The following CATSPERD variants were observed in gnomAD, a reference collection of about 807,000 sequenced individuals.
The protein encoded by CATSPERD is catsper channel auxiliary subunit delta.
Under a neutral mutation model 98.1 loss-of-function variants are expected in CATSPERD, and 86 were observed. The observed-to-expected ratio is 0.88, with a 90% CI of 0.74 to 1.05. The LOEUF (loss-of-function observed/expected upper bound fraction) is 1.05, where lower values mean the gene tolerates loss of function less well. Ranked by LOEUF, CATSPERD falls within the 50% of genes least tolerant of loss-of-function variation. CATSPERD has a pLI of 0.00. For synonymous variants in CATSPERD, 394 were observed against 390.2 expected (o/e 1.01, Z -0.12); for missense variants, 995 against 1,005.7 (o/e 0.99, Z 0.14).
chr19:5,729,368 G>A (rs895645298), intron 3 of CATSPERD, among the ~76,000 whole-genome samples: 22 of 152,088 alleles, frequency 1.4e-4, no homozygotes, highest in African/African-American at 4.1e-4. Flanking sequence ...CAAAGTGCTG[G>A]GATTACAGGC....
chr19:5,776,038 G>C lies in CATSPERD; in HGVS notation c.1942-123G>C, dbSNP rs527575170. 203 of 1,037,820 alleles carry C rather than the reference G, an allele frequency of 2.0e-4. 1 individual carries two copies. In the East Asian group the frequency reaches 2.6e-3, roughly 13 times the overall value. The allele number at this position is 1,037,820 out of a possible 1,614,324, so 64.3% of individuals were successfully genotyped here. A position where few individuals can be genotyped will look rare whatever the true frequency, so the allele number is the denominator to read the frequency against. On this transcript the variant is annotated intron_variant, in intron 20 of 21. Coordinates refer to ENST00000381624, the MANE Select transcript of CATSPERD (RefSeq NM_152784.4). ...CCCACACCATGGGCACTTGGCCCCAGAGTCCCACCCATGCGTGCCTAATGA... is the reference window on the plus strand; with the variant it reads ...CCCACACCATGGGCACTTGGCCCCACAGTCCCACCCATGCGTGCCTAATGA...
intron 18 of CATSPERD, among the ~76,000 whole-genome samples, chr19:5,769,111 G>T (rs1469154012): frequency 2.0e-5 from 3 of 151,296 alleles, no homozygotes; most frequent in Non-Finnish European, 4.4e-5. Flanking sequence ...CCAAGATTGA[G>T]CCACTGCACT....
chr19:5,754,375 T>A, intron 13 of CATSPERD, 130 bp downstream of exon 13: 1 of 498,478 alleles, frequency 2.0e-6, no homozygotes, highest in Non-Finnish European at 3.7e-6. Flanking sequence ...CAATTCTGCA[T>A]AGAAATTGTC....
intron 1 of CATSPERD, among the ~76,000 whole-genome samples, chr19:5,722,178 A>G (rs770825685): frequency 4.6e-5 from 7 of 150,610 alleles, no homozygotes; most frequent in Non-Finnish European, 1.0e-4. Context: ...CTGGAGTACA[A>G]TGTCACGGTC....
chr19:5,738,608 C>T (rs1303373057), intron 6 of CATSPERD, among the ~76,000 whole-genome samples: 1 of 152,124 alleles, frequency 6.6e-6, no homozygotes, highest in African/African-American at 2.4e-5. Context: ...ATAACATAAA[C>T]AGTCTATGAC....
intron 7 of CATSPERD, among the ~76,000 whole-genome samples, chr19:5,740,659 G>A (rs796343288): frequency 2.0e-5 from 3 of 151,578 alleles, no homozygotes; most frequent in South Asian, 4.2e-4. Context: ...CCCAGCTATC[G>A]GGAGGCTGAG....
At chr19:5,769,437 T>C (rs2056605969) in intron 18 of CATSPERD, among the ~76,000 whole-genome samples, 1 of 152,066 alleles carries the variant, frequency 6.6e-6, no homozygotes, top group Non-Finnish European at 1.5e-5. Context: ...GCTCTGCCGT[T>C]GTGGCCTAAA....
intron 19 of CATSPERD, 56 bp from the exon 20 acceptor site, chr19:5,772,732 G>A: frequency 6.4e-7 from 1 of 1,552,002 alleles, no homozygotes; most frequent in Non-Finnish European, 8.7e-7. Flanking sequence ...TGTGGCCCGG[G>A]TCTTCCTGGG....
At chr19:5,758,981 T>A in intron 14 of CATSPERD, 105 bp from the exon 15 acceptor site, 5 of 852,500 alleles carry the variant, frequency 5.9e-6, no homozygotes, top group Non-Finnish European at 9.7e-6. Context: ...TCCAGGTTCG[T>A]CCCCCCATGT....
chr19:5,767,110 G>T (rs2056552686), intron 17 of CATSPERD, among the ~76,000 whole-genome samples: 1 of 151,174 alleles, frequency 6.6e-6, no homozygotes, highest in Admixed American at 6.6e-5. Context: ...GAGGTCAGGA[G>T]ATTGAGACCA....
In CATSPERD at chr19:5,751,748, T is replaced by C; in HGVS notation, c.1089T>C (p.Ala363=). 1 of 1,613,842 alleles carries C rather than the reference T, an allele frequency of 6.2e-7. No homozygotes were observed. Among genetic ancestry groups the C allele is most frequent in the Non-Finnish European group, 8.5e-7 (1 of 1,179,954 alleles). The change falls in exon 12 of 22, where the codon GCT becomes GCC. Residue 363 remains alanine (A), a synonymous_variant. Transcript: ENST00000381624. ...LTPLRDTAFP[A]FDFQKCLVNI... is the part of the protein sequence containing the mutation. ...CACTGCGTGACACAGCCTTTCCAGC[T>C]TTTGATTTCCAGAAGTGCCTCGTGA...
At chr19:5,740,976 T>G (rs2055951303) in intron 7 of CATSPERD, among the ~76,000 whole-genome samples, 1 of 143,164 alleles carries the variant, frequency 7.0e-6, no homozygotes, top group Non-Finnish European at 1.5e-5. Context: ...TCTCAGCTAC[T>G]TGGGAGGCTG....
intron 3 of CATSPERD, among the ~76,000 whole-genome samples, chr19:5,729,022 T>C (rs2055664869): frequency 6.7e-6 from 1 of 150,284 alleles, no homozygotes; most frequent in East Asian, 2.0e-4. Flanking sequence ...CTCTCTCTCT[T>C]TTTTAAAGGC....
In CATSPERD at chr19:5,772,819, G is replaced by A. The variant is rs750625210; in HGVS notation, c.1795G>A (p.Asp599Asn). ...AAAAGACAGTTTCCAGGAGGTCATC[G>A]ACGCCGAGTATGTGTTACTGGAGGT... Reference protein sequence around the residue: ...WRKDSFQEVIDAEYVLLEVNG... With the variant: ...WRKDSFQEVINAEYVLLEVNG... The change falls in exon 20 of 22, where the codon GAC (aspartate) becomes AAC (asparagine). Residue 599 changes from aspartate (D) to asparagine (N), a missense_variant. Asp to Asn is a conservative substitution (Grantham distance 23). Around this residue, in one of 3 missense-constraint regions of CATSPERD, gnomAD observed 762 missense variants for 773.7 expected, o/e 0.98. Coordinates refer to ENST00000381624, the MANE Select transcript of CATSPERD (RefSeq NM_152784.4). 29 of 1,613,906 alleles carry A rather than the reference G, an allele frequency of 1.8e-5. No homozygotes were observed. Among genetic ancestry groups the A allele is most frequent in the Admixed American group, 1.5e-4 (9 of 59,982 alleles).
At chr19:5,772,501 A>ACGGGCGTGAGC (rs1223901209) in intron 19 of CATSPERD, 2 of 347,002 alleles carry the variant, frequency 5.8e-6, no homozygotes, top group Non-Finnish European at 1.1e-5. Context: ...TGCTGAGATT[A>ACGGGCGTGAGC]CGGGCGTGAG....
At chr19:5,737,614 G>A (rs916010022) in intron 6 of CATSPERD, among the ~76,000 whole-genome samples, 2 of 150,716 alleles carry the variant, frequency 1.3e-5, no homozygotes, top group African/African-American at 4.9e-5. Context: ...CATTTTGGGA[G>A]GCCGAGGTGG....
intron 9 of CATSPERD, among the ~76,000 whole-genome samples, chr19:5,746,878 C>T (rs2056105349): frequency 1.3e-5 from 2 of 151,664 alleles, no homozygotes. Context: ...GATTGTACTT[C>T]TGCACCCAGG....
intron 13 of CATSPERD, among the ~76,000 whole-genome samples, chr19:5,755,395 A>G (rs999426871): frequency 3.3e-5 from 5 of 152,164 alleles, no homozygotes; most frequent in Non-Finnish European, 5.9e-5. Context: ...TGAGTATACA[A>G]AAACTATTAT....
chr19:5,742,258 G>A (rs1240875285), intron 7 of CATSPERD, among the ~76,000 whole-genome samples: 1 of 151,356 alleles, frequency 6.6e-6, no homozygotes, highest in African/African-American at 2.4e-5. Flanking sequence ...ATGTGTGTGG[G>A]TGTGCGTGTG....
Sources: allele counts gnomAD v4.1 joint callset (sites outside exome capture counted in the v4.1 genomes callset), GRCh38; gene constraint gnomAD v4.1.1; regional missense constraint gnomAD v4.1.1; transcripts MANE v1.5; gene names NCBI Gene and HGNC (gene_info 2026-07-23, HGNC 2026-07-21).